Variants in SPMIP1 observed in about 807,000 individuals in gnomAD.
SPMIP1 encodes the protein protein SPMIP1.
At chr7:128,870,443 A>T in the SPMIP1 span, 3 of 152,444 alleles carry the variant, frequency 2.0e-5, no homozygotes, top group South Asian at 6.2e-4. Flanking sequence ...TCTGACTCTG[A>T]GGAGCATCTT....
chr7:128,869,153 C>A, the SPMIP1 span: 3 of 355,404 alleles, frequency 8.4e-6, no homozygotes, highest in Non-Finnish European at 1.5e-5. Flanking sequence ...CCTCCTTGCC[C>A]GCCCCTCACC....
chr7:128,869,058 T>G, the SPMIP1 span: 1 of 410,718 alleles, frequency 2.4e-6, no homozygotes, highest in African/African-American at 2.0e-5. Context: ...ACACAGTAGT[T>G]CCAGGAAGTT....
the SPMIP1 span, chr7:128,869,817 A>T: frequency 1.3e-5 from 2 of 152,350 alleles, no homozygotes; most frequent in Non-Finnish European, 2.9e-5. Context: ...CCGACCCCGG[A>T]GGGCACCCGG....
At chr7:128,871,481 A>C in the SPMIP1 span, 1 of 152,328 alleles carries the variant, frequency 6.6e-6, no homozygotes, top group Admixed American at 6.5e-5. Context: ...TTCAAGATGA[A>C]ATTTTAGGCC....
chr7:128,867,933 G>C, the SPMIP1 span, among the ~76,000 whole-genome samples: 2 of 152,182 alleles, frequency 1.3e-5, no homozygotes, highest in East Asian at 1.9e-4. Flanking sequence ...TGATGGGAGT[G>C]GGGGCAGGAG....
chr7:128,869,190 G>A, the SPMIP1 span: 1 of 294,788 alleles, frequency 3.4e-6, no homozygotes, highest in Non-Finnish European at 6.2e-6. Context: ...CAGCCGCTCC[G>A]TCCTCTCCCG....
the SPMIP1 span, chr7:128,868,627 C>T: frequency 0.043 from 59,694 of 1,394,326 alleles, 2,215 homozygotes; most frequent in African/African-American, 0.18. Flanking sequence ...GTGTCCCTCC[C>T]TCAGGAACCC....
the SPMIP1 span, chr7:128,871,579 T>G: frequency 6.6e-6 from 1 of 152,206 alleles, no homozygotes; most frequent in Non-Finnish European, 1.5e-5. Flanking sequence ...CCTGCAGCTG[T>G]GGAGGAAGGA....
the SPMIP1 span, chr7:128,868,775 A>T: frequency 2.6e-6 from 4 of 1,530,388 alleles, no homozygotes; most frequent in East Asian, 9.8e-5. Flanking sequence ...TGGCCCTCTG[A>T]CCGTGGGCCA....
At chr7:128,866,517 G>A in the SPMIP1 span, 1 of 1,535,996 alleles carries the variant, frequency 6.5e-7, no homozygotes, top group South Asian at 1.2e-5. Context: ...ATGGGTCGAT[G>A]GTGAAGGCCA....
At chr7:128,868,944 A>C in the SPMIP1 span, 1 of 561,382 alleles carries the variant, frequency 1.8e-6, no homozygotes, top group Non-Finnish European at 3.2e-6. Context: ...TTTTTCCGTA[A>C]CCCTCATCAC....
At chr7:128,869,006 C>T in the SPMIP1 span, 1 of 439,724 alleles carries the variant, frequency 2.3e-6, no homozygotes, top group Non-Finnish European at 4.0e-6. Context: ...CTGGGAAGGG[C>T]GAGCACTACT....
the SPMIP1 span, among the ~76,000 whole-genome samples, chr7:128,867,270 C>T: frequency 1.3e-5 from 2 of 152,072 alleles, no homozygotes; most frequent in Admixed American, 1.3e-4. Context: ...GAGGGATCAG[C>T]AATAGAGCTG....
the SPMIP1 span, among the ~76,000 whole-genome samples, chr7:128,867,510 A>G: frequency 6.6e-6 from 1 of 151,988 alleles, no homozygotes; most frequent in Non-Finnish European, 1.5e-5. Flanking sequence ...TGTGTCTATA[A>G]GTCTGGATTG....
At chr7:128,866,714 G>T in the SPMIP1 span, 1 of 1,536,000 alleles carries the variant, frequency 6.5e-7, no homozygotes, top group Non-Finnish European at 8.7e-7. Context: ...CTGTATGAAG[G>T]CATCTCCCAC....
chr7:128,868,797 A>G, the SPMIP1 span: 352 of 1,489,704 alleles, frequency 2.4e-4, 3 homozygotes, highest in African/African-American at 4.4e-3. Context: ...GTGTGGGCTT[A>G]GGGGAGGGAA....
chr7:128,869,406 C>G, the SPMIP1 span: 2,057 of 152,946 alleles, frequency 0.013, 59 homozygotes, highest in African/African-American at 0.047. Context: ...GCCCCTGCCC[C>G]GCGCAGGCTC....
At chr7:128,871,059 A>T in the SPMIP1 span, 4 of 152,294 alleles carry the variant, frequency 2.6e-5, no homozygotes, top group Non-Finnish European at 4.4e-5. Context: ...CCTCATGCAC[A>T]GTTCACCTAG....
the SPMIP1 span, chr7:128,870,130 C>G: frequency 6.6e-6 from 1 of 152,266 alleles, no homozygotes; most frequent in African/African-American, 2.4e-5. Context: ...TCTGCGTCAG[C>G]GTGGTAGTCC....
Sources: allele counts gnomAD v4.1 joint callset (sites outside exome capture counted in the v4.1 genomes callset), GRCh38; gene constraint gnomAD v4.1.1; transcripts MANE v1.5; gene names NCBI Gene and HGNC (gene_info 2026-07-23, HGNC 2026-07-21).